The following NOS1 variants were observed in gnomAD, a reference collection of about 807,000 sequenced individuals.
NOS1 encodes the protein nitric oxide synthase 1.
NOS1 carries 51 observed loss-of-function variants against 164.5 expected under a neutral mutation model. That is an observed-to-expected ratio of 0.31 (90% CI 0.25 to 0.39). The LOEUF is 0.39. Among genes scored for constraint, NOS1 ranks in the 10% least tolerant of loss-of-function variants. NOS1 has a pLI of 1.00. For synonymous variants in NOS1, 719 were observed against 745.8 expected (o/e 0.96, Z 0.59); for missense variants, 1,362 against 1,885.6 (o/e 0.72, Z 5.14).
At chr12:117,305,616 G>A (rs1400886237) in intron 3 of NOS1, among the ~76,000 whole-genome samples, 1 of 152,114 alleles carries the variant, frequency 6.6e-6, no homozygotes, top group Non-Finnish European at 1.5e-5. Flanking sequence ...TCTGAAGCCT[G>A]TGCCTATGGA....
intron 9 of NOS1, among the ~76,000 whole-genome samples, chr12:117,274,453 A>G (rs1030058923): frequency 4.6e-5 from 7 of 152,094 alleles, no homozygotes; most frequent in Non-Finnish European, 1.0e-4. Context: ...CAGCAATCCC[A>G]CCAGTGGGCA....
At position 117,210,271 on chromosome 12, in the gene NOS1, C is replaced by T; in HGVS notation, c.*5038G>A. On this transcript the variant is annotated 3_prime_UTR_variant, in exon 29 of 29. Coordinates refer to ENST00000317775, the MANE Select transcript of NOS1 (RefSeq NM_000620.5). The stretch of plus-strand genomic sequence containing the variant: ...GCTATTACAGGCATGAACCACCATG[C>T]CTGGCCTACTTTTTGAGCCAAAGAG... The T allele has an allele frequency of 1.0e-6, 1 of 984,930 alleles. No individual in the cohort carries two copies. Among genetic ancestry groups the T allele is most frequent in the Non-Finnish European group, 1.2e-6 (1 of 829,708 alleles). 61.0% of individuals were successfully genotyped at this position (984,930 alleles called of 1,614,324 possible). A position where few individuals can be genotyped will look rare whatever the true frequency, so the allele number is the denominator to read the frequency against.
rs79487279 is a variant in NOS1, at chr12:117,268,129, T to A, written c.1855A>T (p.Met619Leu). 4,569 of 1,613,494 alleles carry A rather than the reference T, an allele frequency of 2.8e-3. 10 individuals are homozygous for A. Among genetic ancestry groups the A allele is most frequent in the Non-Finnish European group, 3.5e-3 (4,181 of 1,179,414 alleles). Residue 619 changes from methionine to leucine, a missense_variant, in exon 11 of 29, where the codon ATG becomes TTG. By Grantham distance (15) the Met-to-Leu change is conservative. Coordinates refer to ENST00000317775, the MANE Select transcript of NOS1 (RefSeq NM_000620.5). ...GACGTCTTCCTCATGTCTAAGTTCA[T>A]CTTCTTGGCCACTTCCTGAAAGAGG... ...YNILEEVAKK[M>L]NLDMRKTSSL...
intron 26 of NOS1, among the ~76,000 whole-genome samples, chr12:117,221,003 C>T (rs7306863): frequency 7.6e-4 from 116 of 152,156 alleles, no homozygotes; most frequent in African/African-American, 2.7e-3. Flanking sequence ...AGTGCCCCCC[C>T]AACCTGCCAC....
chr12:117,310,947 G>A (rs1413040722), intron 3 of NOS1, among the ~76,000 whole-genome samples: 1 of 152,024 alleles, frequency 6.6e-6, no homozygotes, highest in Non-Finnish European at 1.5e-5. Flanking sequence ...CTCACTGCAA[G>A]TTCCGCCTCC....
Position 117,272,375 on chromosome 12 carries a change from G to C in NOS1, c.1839+10C>G. ...GCTTTTCCCCTGTGGTGACCAGAGAGGGCCCTTACCTCCAGGATATTGTAG... is the reference window on the plus strand; with the variant it reads ...GCTTTTCCCCTGTGGTGACCAGAGACGGCCCTTACCTCCAGGATATTGTAG... On this transcript the variant is annotated intron_variant, in intron 10 of 28. Coordinates refer to ENST00000317775, the MANE Select transcript of NOS1 (RefSeq NM_000620.5). This position sits in a 1 kb window ranked among gnomAD's most constrained non-coding sequence, Gnocchi z 4.3. The C allele has an allele frequency of 6.2e-7, 1 of 1,614,074 alleles. No homozygotes were observed. Among genetic ancestry groups the C allele is most frequent in the Non-Finnish European group, 8.5e-7 (1 of 1,179,978 alleles).
At position 117,253,102 on chromosome 12, in the gene NOS1, G is replaced by A. The variant is rs998648009; in HGVS notation, c.2648+536C>T. ...AGGGCAGTATTTGTCAAATCTGACT[G>A]CACGTTAGAGTCAATTGGAGAGACT... On this transcript the variant is annotated intron_variant, in intron 17 of 28. Coordinates refer to ENST00000317775, the MANE Select transcript of NOS1 (RefSeq NM_000620.5). Among the ~76,000 whole-genome samples, 3 of 152,184 alleles carry A rather than the reference G, an allele frequency of 2.0e-5. No individual in the cohort carries two copies. The South Asian group carries it at 6.2e-4, about 32-fold the overall frequency.
At chr12:117,293,505 T>C (rs1329438165) in intron 3 of NOS1, among the ~76,000 whole-genome samples, 2 of 152,168 alleles carry the variant, frequency 1.3e-5, no homozygotes, top group Non-Finnish European at 2.9e-5. Flanking sequence ...CATCTCTTAC[T>C]TGGATGATCA....
intron 13 of NOS1, among the ~76,000 whole-genome samples, chr12:117,262,411 A>AGAGG (rs200474462): frequency 0.011 from 1,379 of 126,412 alleles, 42 homozygotes; most frequent in African/African-American, 0.04. Flanking sequence ...GGAAGGAGAG[A>AGAGG]GAGGGAGGGA....
intron 18 of NOS1, among the ~76,000 whole-genome samples, chr12:117,244,400 C>A (rs1398892981): frequency 6.6e-6 from 1 of 152,036 alleles, no homozygotes; most frequent in Non-Finnish European, 1.5e-5. Flanking sequence ...GGCATGTGCA[C>A]CATGCCCAGC....
chr12:117,348,875 G>A (rs771119359), intron 1 of NOS1, among the ~76,000 whole-genome samples: 25 of 152,320 alleles, frequency 1.6e-4, no homozygotes, highest in Non-Finnish European at 2.9e-4. Context: ...TCCTGGAACC[G>A]AAACAGCACA....
At chr12:117,222,635 G>C in intron 26 of NOS1, 80 bp downstream of exon 26, 2 of 1,338,664 alleles carry the variant, frequency 1.5e-6, no homozygotes, top group Non-Finnish European at 1.1e-6. Flanking sequence ...TAAGAGTGAG[G>C]GTGAGGGGTT....
intron 2 of NOS1, among the ~76,000 whole-genome samples, chr12:117,326,576 T>C (rs1239985617): frequency 6.6e-6 from 1 of 152,188 alleles, no homozygotes; most frequent in Admixed American, 6.5e-5. Context: ...TTGTTTCTCC[T>C]CTGAAGCAGG....
chr12:117,301,275 G>A (rs1005591384), intron 3 of NOS1, among the ~76,000 whole-genome samples: 1 of 151,952 alleles, frequency 6.6e-6, no homozygotes, highest in Non-Finnish European at 1.5e-5. Context: ...TTACAAGTGT[G>A]TGCCACCACA....
intron 1 of NOS1, among the ~76,000 whole-genome samples, chr12:117,353,637 G>C (rs1002242438): frequency 1.3e-5 from 2 of 152,188 alleles, no homozygotes; most frequent in Non-Finnish European, 2.9e-5. Flanking sequence ...AGGTGTCAAG[G>C]GTTCTTGCGA....
At chr12:117,335,729 T>TGAGAGAGAGAGAGACA (rs1555261700) in intron 1 of NOS1, among the ~76,000 whole-genome samples, 1 of 112,540 alleles carries the variant, frequency 8.9e-6, no homozygotes, top group East Asian at 2.8e-4. Context: ...ACAGACTATA[T>TGAGAGAGAGAGAGACA]GAGAGAGAGA....
chr12:117,337,064 G>C (rs1875855386), intron 1 of NOS1, among the ~76,000 whole-genome samples: 1 of 149,432 alleles, frequency 6.7e-6, no homozygotes, highest in Non-Finnish European at 1.5e-5. Flanking sequence ...CCAAAGTATA[G>C]GGATTACAGG....
At chr12:117,360,822 C>G (rs1221498958) in intron 1 of NOS1, among the ~76,000 whole-genome samples, 1 of 152,182 alleles carries the variant, frequency 6.6e-6, no homozygotes, top group Non-Finnish European at 1.5e-5. Flanking sequence ...TCCCCCAGCC[C>G]GGGCTGCCCG....
chr12:117,214,969 C>T lies in NOS1; in HGVS notation c.*340G>A, dbSNP rs1443051909. ...TTGTGCCTAGTTCCTGCAGCCTTTC[C>T]AGGGGAACCCCAGAGAAAAAAACCC... On this transcript the variant is annotated 3_prime_UTR_variant, in exon 29 of 29. Transcript: ENST00000317775. The T allele has an allele frequency of 1.8e-6, 2 of 1,084,044 alleles. No homozygotes were observed. The highest frequency in any genetic ancestry group is 2.2e-6 in the Non-Finnish European group (2 of 894,660). The allele number at this position is 1,084,044 out of a possible 1,614,324, so 67.2% of individuals were successfully genotyped here. A position where few individuals can be genotyped will look rare whatever the true frequency, so the allele number is the denominator to read the frequency against.
Sources: gnomAD v4.1 joint callset for allele counts (sites outside exome capture counted in the v4.1 genomes callset) on GRCh38, gnomAD v4.1.1 for gene constraint, Gnocchi (gnomAD v3.1) non-coding constraint, MANE v1.5 for transcripts, NCBI Gene and HGNC (gene_info 2026-07-23, HGNC 2026-07-21) for gene names.